Variants in CHMP7 observed in about 807,000 individuals in gnomAD.
CHMP7 encodes CHMP family, member 7.
CHMP7 carries 15 observed loss-of-function variants against 53.7 expected under a neutral mutation model. The observed-to-expected ratio is 0.28, with a 90% CI of 0.19 to 0.43. The LOEUF is 0.43. Ranked by LOEUF, CHMP7 falls within the 20% of genes least tolerant of loss-of-function variation. The pLI, the probability that CHMP7 is intolerant of heterozygous loss-of-function variation, is 1.00. For missense variants in CHMP7, 527 were observed against 569.4 expected (o/e 0.93, Z 0.76); for synonymous variants, 261 against 228.0 (o/e 1.14, Z -1.30).
intron 3 of CHMP7, among the ~76,000 whole-genome samples, chr8:23,253,226 A>G (rs1801996538): frequency 6.6e-6 from 1 of 152,158 alleles, no homozygotes; most frequent in Non-Finnish European, 1.5e-5. Flanking sequence ...TTTGAGTTTC[A>G]GATTTGTATA....
intron 3 of CHMP7, among the ~76,000 whole-genome samples, chr8:23,251,285 G>A (rs1015234742): frequency 1.3e-5 from 2 of 152,086 alleles, no homozygotes; most frequent in African/African-American, 4.8e-5. Context: ...AATAAAAAAA[G>A]CAAAAATTGT....
chr8:23,249,301 C>T lies in CHMP7; in HGVS notation c.391C>T (p.Leu131Phe), dbSNP rs776375203. The part of the protein sequence containing the change: ...WGVGVFLLKP[L>F]KWTLSNMLGD... ...GGTTGGGGTCTTCCTGCTGAAGCCT[C>T]TCAAGTGGACTCTTTCTAACATGCT... The change falls in exon 3 of 11, where the codon CTC becomes TTC. Residue 131 changes from leucine (L) to phenylalanine (F), a missense_variant. By Grantham distance (22) the Leu-to-Phe change is conservative. Transcript: ENST00000397677. 1 of 1,613,582 alleles carries T rather than the reference C, an allele frequency of 6.2e-7. No individual in the cohort carries two copies. The highest frequency in any genetic ancestry group is 1.1e-5 in the South Asian group (1 of 91,016).
chr8:23,245,231 G>A (rs1454130701), intron 1 of CHMP7, among the ~76,000 whole-genome samples: 1 of 152,180 alleles, frequency 6.6e-6, no homozygotes, highest in Non-Finnish European at 1.5e-5. Context: ...AAACGATCTA[G>A]GTTTTCACCA....
intron 1 of CHMP7, among the ~76,000 whole-genome samples, chr8:23,245,152 A>G (rs544317362): frequency 4.4e-4 from 67 of 152,262 alleles, no homozygotes; most frequent in Non-Finnish European, 7.4e-4. Flanking sequence ...GTTAGCTAGG[A>G]TTTCCCGTAC....
intron 7 of CHMP7, 129 bp from the exon 8 acceptor site, chr8:23,258,603 G>T: frequency 8.3e-7 from 1 of 1,206,316 alleles, no homozygotes; most frequent in East Asian, 2.4e-5. Flanking sequence ...TGGCCTCGGT[G>T]GGTATAGGGT....
chr8:23,260,027 G>A (rs1212539484), intron 9 of CHMP7, 117 bp from the exon 10 acceptor site: 9 of 749,444 alleles, frequency 1.2e-5, no homozygotes, highest in African/African-American at 8.8e-5. Context: ...TTTTTAATCT[G>A]CAAGGAGGCC....
chr8:23,256,756 G>C, intron 5 of CHMP7, 163 bp downstream of exon 5: 2 of 288,286 alleles, frequency 6.9e-6, no homozygotes, highest in East Asian at 6.1e-5. Context: ...GGAAAGCACA[G>C]AATATCACAA....
Position 23,248,340 on chromosome 8 carries a change from T to C in CHMP7, c.300-870T>C, listed in dbSNP as rs1563401762. On this transcript the variant is annotated intron_variant, in intron 2 of 10. Transcript: ENST00000397677. ...CTGCTGGTGCTCCACTGAAGCTTCC[T>C]GGTGCTTGCCTGGGTCCTGAAGAAT... The C allele has an allele frequency of 1.1e-5, 4 of 374,936 alleles. No homozygotes were observed. The Admixed American group carries it at 1.2e-4, about 12-fold the overall frequency. The allele number at this position is 374,936 out of a possible 1,614,324, so 23.2% of individuals were successfully genotyped here. A position where few individuals can be genotyped will look rare whatever the true frequency, so the allele number is the denominator to read the frequency against.
intron 3 of CHMP7, 29 bp downstream of exon 3, chr8:23,249,410 G>T: frequency 6.5e-7 from 1 of 1,540,678 alleles, no homozygotes. Flanking sequence ...GTGTCTGGGT[G>T]TCACCTGGTG....
At position 23,244,345 on chromosome 8, in the gene CHMP7, TTG is replaced by T. The variant is rs1318283391; in HGVS notation, c.-441+503_-441+504del. Among the ~76,000 whole-genome samples the T allele has an allele frequency of 7.2e-5, 11 of 152,176 alleles. No individual in the cohort carries two copies. The East Asian group carries it at 2.1e-3, about 29-fold the overall frequency. ...AATGGTGTAAGATCTGTACCTGGATTTGTTTTTGTTTTTGCATGTAGGTGTAC... is the reference window on the plus strand; with the variant it reads ...AATGGTGTAAGATCTGTACCTGGATTTTTTTGTTTTTGCATGTAGGTGTAC... On this transcript the variant is annotated intron_variant, in intron 1 of 10. Coordinates refer to ENST00000397677, the MANE Select transcript of CHMP7 (RefSeq NM_152272.5).
intron 3 of CHMP7, among the ~76,000 whole-genome samples, chr8:23,250,579 AC>A (rs1233339208): frequency 6.4e-5 from 9 of 140,734 alleles, no homozygotes; most frequent in East Asian, 2.0e-4. Context: ...TGCTTCAACC[AC>A]CCCCTCCACC....
chr8:23,260,213 A>G lies in CHMP7; in HGVS notation c.1190A>G (p.Asp397Gly), dbSNP rs1159493216. The change falls in exon 10 of 11, where the codon GAT becomes GGT. Residue 397 changes from aspartate to glycine, a missense_variant. Asp to Gly is a moderately conservative substitution (Grantham distance 94). Transcript: ENST00000397677. ...LLQDTTKEPL[D>G]LPDNPRNRHF... ...CAGGATACCACCAAAGAACCTTTGG[A>G]TCTGCCTGACAACCCCCGCAATAGG... is the stretch of plus-strand genomic sequence containing the variant. 1 of 1,614,124 alleles carries G rather than the reference A, an allele frequency of 6.2e-7. No homozygotes were observed. The highest frequency in any genetic ancestry group is 8.5e-7 in the Non-Finnish European group (1 of 1,179,956).
At chr8:23,247,039 A>G in intron 2 of CHMP7, 45 bp downstream of exon 2, 2 of 1,452,334 alleles carry the variant, frequency 1.4e-6, no homozygotes, top group Non-Finnish European at 1.8e-6. Flanking sequence ...GGGCGGGGGC[A>G]GCTCTCGGAG....
In CHMP7 at chr8:23,249,356, T is replaced by C. The variant is rs749433542; in HGVS notation, c.446T>C (p.Val149Ala). ...GATAATAAGGTTCCAGCTGAGGAGG[T>C]CCTTGTCGCTGTGGAGCTGTTGAAG... ...LGDNKVPAEE[V>A]LVAVELLKEK... Residue 149 changes from valine (V) to alanine (A), a missense_variant, in exon 3 of 11, where the codon GTC becomes GCC. By Grantham distance (64) the Val-to-Ala change is moderately conservative. Coordinates refer to ENST00000397677, the MANE Select transcript of CHMP7 (RefSeq NM_152272.5). 1 of 1,608,014 alleles carries C rather than the reference T, an allele frequency of 6.2e-7. No individual in the cohort carries two copies.
chr8:23,258,756 G>C lies in CHMP7; in HGVS notation c.985G>C (p.Val329Leu). Residue 329 changes from valine (V) to leucine (L), a missense_variant, in exon 8 of 11, where the codon GTA (valine) becomes CTA (leucine). Transcript: ENST00000397677. Reference sequence around the variant, plus strand: ...GGTTTTTAACGCCTACCAGGCTGGGGTAGGAGCACTCAAACTCTCCATGAA... The same window carrying C: ...GGTTTTTAACGCCTACCAGGCTGGGCTAGGAGCACTCAAACTCTCCATGAA... ...QMVFNAYQAG[V>L]GALKLSMKDV... is the part of the protein sequence containing the mutation. The C allele has an allele frequency of 6.2e-7, 1 of 1,613,502 alleles. No individual in the cohort carries two copies. Among genetic ancestry groups the C allele is most frequent in the Non-Finnish European group, 8.5e-7 (1 of 1,179,528 alleles).
chr8:23,249,393 G>A lies in CHMP7; in HGVS notation c.471+12G>A, dbSNP rs1182080136. 3 of 1,583,648 alleles carry A rather than the reference G, an allele frequency of 1.9e-6. No homozygotes were observed. In the African/African-American group the frequency reaches 4.1e-5, roughly 21 times the overall value. On this transcript the variant is annotated intron_variant, in intron 3 of 10. Transcript: ENST00000397677. ...TGGAGCTGTTGAAGGTGGGTACTCAGAAGGGGGTGTCTGGGTGTCACCTGG... is the reference window on the plus strand; with the variant it reads ...TGGAGCTGTTGAAGGTGGGTACTCAAAAGGGGGTGTCTGGGTGTCACCTGG...
chr8:23,260,680 T>G lies in CHMP7; in HGVS notation c.*81T>G, dbSNP rs1328691585. 9.1e-7 allele frequency: 1 copy of G among 1,098,762 alleles called. No individual in the cohort carries two copies. The highest frequency in any genetic ancestry group is 1.4e-6 in the Non-Finnish European group (1 of 713,222). The allele number at this position is 1,098,762 out of a possible 1,614,324, so 68.1% of individuals were successfully genotyped here. ...ACATAGTTATTTAAACAAGAAACTCTCAGAATGTGTTTGGAAGAGGAGAAA... is the reference window on the plus strand; with the variant it reads ...ACATAGTTATTTAAACAAGAAACTCGCAGAATGTGTTTGGAAGAGGAGAAA... On this transcript the variant is annotated 3_prime_UTR_variant, in exon 11 of 11. Coordinates refer to ENST00000397677, the MANE Select transcript of CHMP7 (RefSeq NM_152272.5).
chr8:23,260,890 G>A lies in CHMP7; in HGVS notation c.*291G>A. ...TCATAGCCTGCAGTTCTTGCCATTG[G>A]CACACTTAGATTTGTCTTCACCCAC... On this transcript the variant is annotated 3_prime_UTR_variant, in exon 11 of 11. Coordinates refer to ENST00000397677, the MANE Select transcript of CHMP7 (RefSeq NM_152272.5). The A allele has an allele frequency of 2.3e-6, 1 of 436,926 alleles. No homozygotes were observed. The allele number at this position is 436,926 out of a possible 1,614,324, so 27.1% of individuals were successfully genotyped here.
intron 2 of CHMP7, among the ~76,000 whole-genome samples, chr8:23,247,318 C>T (rs936893062): frequency 6.6e-6 from 1 of 152,268 alleles, no homozygotes; most frequent in East Asian, 1.9e-4. Context: ...TTCCTAAGGG[C>T]CTCCAAATTT....
Sources: gnomAD v4.1 joint callset for allele counts (sites outside exome capture counted in the v4.1 genomes callset) on GRCh38, gnomAD v4.1.1 for gene constraint, MANE v1.5 for transcripts, NCBI Gene and HGNC (gene_info 2026-07-23, HGNC 2026-07-21) for gene names.